The following KCMF1 variants were observed in gnomAD, a reference collection of about 807,000 sequenced individuals.
The protein encoded by KCMF1 is potassium channel modulatory factor 1.
In KCMF1, 3 loss-of-function variants were observed where a neutral mutation model predicts 41.1. The ratio of observed to expected loss-of-function variants is 0.07; its 90% CI spans 0.03 to 0.19. The LOEUF is 0.19. Among genes scored for constraint, KCMF1 ranks in the 10% least tolerant of loss-of-function variants. KCMF1 has a pLI of 1.00. For missense variants in KCMF1, 286 were observed against 488.9 expected (o/e 0.58, Z 3.91); for synonymous variants, 142 against 164.5 (o/e 0.86, Z 1.04).
Position 85,057,263 on chromosome 2 carries a change from AC to A in KCMF1, c.*3855del, listed in dbSNP as rs1675957316. On this transcript the variant is annotated 3_prime_UTR_variant, in exon 7 of 7. Coordinates refer to ENST00000409785, the MANE Select transcript of KCMF1 (RefSeq NM_020122.5). ...TTGGTGTTCATGCTGGAAAACAGTT[AC>A]GGTTATCTGTGCTCTTTCTAAAGCT... The A allele has an allele frequency of 6.6e-6, 1 of 152,128 alleles. No individual in the cohort carries two copies. The highest frequency in any genetic ancestry group is 1.5e-5 in the Non-Finnish European group (1 of 68,036). 9.4% of individuals were successfully genotyped at this position (152,128 alleles called of 1,614,324 possible).
chr2:85,044,600 C>T (rs1253831063), intron 4 of KCMF1, among the ~76,000 whole-genome samples: 1 of 151,752 alleles, frequency 6.6e-6, no homozygotes, highest in Non-Finnish European at 1.5e-5. Context: ...GGTCTCTTGG[C>T]CATGCTGGTC....
At chr2:85,021,619 CA>C (rs528912139) in intron 1 of KCMF1, among the ~76,000 whole-genome samples, 64 of 138,710 alleles carry the variant, frequency 4.6e-4, no homozygotes, top group Admixed American at 5.8e-4. Flanking sequence ...GAGACTGTCA[CA>C]AAAAAAAAAA....
intron 1 of KCMF1, among the ~76,000 whole-genome samples, chr2:85,006,506 T>G (rs913497832): frequency 2.6e-5 from 4 of 151,964 alleles, no homozygotes; most frequent in African/African-American, 9.6e-5. Flanking sequence ...TTCACCGTAT[T>G]AGGCAGGATG....
intron 1 of KCMF1, among the ~76,000 whole-genome samples, chr2:84,982,936 A>G (rs1336162107): frequency 6.6e-6 from 1 of 152,224 alleles, no homozygotes; most frequent in Non-Finnish European, 1.5e-5. Flanking sequence ...TCTCTAGGAA[A>G]ACTGGTGATA....
intron 1 of KCMF1, among the ~76,000 whole-genome samples, chr2:85,019,327 C>A (rs1029539862): frequency 6.6e-6 from 1 of 152,144 alleles, no homozygotes; most frequent in Admixed American, 6.5e-5. Flanking sequence ...GACACATATA[C>A]TTAGGAGGGC....
intron 1 of KCMF1, among the ~76,000 whole-genome samples, chr2:84,991,013 G>A (rs937831732): frequency 9.9e-5 from 15 of 152,128 alleles, no homozygotes; most frequent in African/African-American, 3.1e-4. Context: ...GGAGTGAGGC[G>A]AGAGTAGAAG....
At chr2:85,022,077 A>G (rs1238324960) in intron 1 of KCMF1, among the ~76,000 whole-genome samples, 1 of 151,782 alleles carries the variant, frequency 6.6e-6, no homozygotes, top group East Asian at 1.9e-4. Flanking sequence ...TCGGCCTCCC[A>G]AAGTGCTGGG....
chr2:85,013,272 TG>T (rs1674690670), intron 1 of KCMF1, among the ~76,000 whole-genome samples: 1 of 152,194 alleles, frequency 6.6e-6, no homozygotes, highest in Admixed American at 6.5e-5. Flanking sequence ...CAATGAGAAA[TG>T]GTCTTAAAAT....
In KCMF1 at chr2:85,053,848, A is replaced by C. The variant is rs990624524; in HGVS notation, c.*439A>C. 6.5e-6 allele frequency: 1 copy of C among 153,496 alleles called. No homozygotes were observed. Among genetic ancestry groups the C allele is most frequent in the Non-Finnish European group, 1.4e-5 (1 of 68,966 alleles). 9.5% of individuals were successfully genotyped at this position (153,496 alleles called of 1,614,324 possible). ...TTTAAGAAGTTAAATACAAGGAGTA[A>C]AACTTAAAAAAAAAATACAAAGCCC... On this transcript the variant is annotated 3_prime_UTR_variant, in exon 7 of 7. Coordinates refer to ENST00000409785, the MANE Select transcript of KCMF1 (RefSeq NM_020122.5).
rs200168841 is a variant in KCMF1, at chr2:85,035,053, G to C, written c.222G>C (p.Gln74His). Residue 74 changes from glutamine (Q) to histidine (H), a missense_variant, in exon 3 of 7, where the codon CAG (glutamine) becomes CAC (histidine). Gln to His is a conservative substitution (Grantham distance 24, BLOSUM62 0). Transcript: ENST00000409785. The stretch of plus-strand genomic sequence containing the variant: ...GTGGGGAAGCTTTCTCTGTAGAGCA[G>C]CCACAGTCTTTTACTTGTCCCTATT... The part of the protein sequence containing the change: ...YYGGEAFSVE[Q>H]PQSFTCPYCG... The C allele has an allele frequency of 6.3e-5, 101 of 1,612,942 alleles. No homozygotes were observed. The highest frequency in any genetic ancestry group is 4.5e-5 in the Non-Finnish European group (53 of 1,179,186).
At chr2:85,052,560 G>A (rs1172417539) in intron 6 of KCMF1, among the ~76,000 whole-genome samples, 2 of 152,246 alleles carry the variant, frequency 1.3e-5, no homozygotes, top group African/African-American at 2.4e-5. Flanking sequence ...AGGGGAGCAA[G>A]TCAGGCAGGT....
intron 1 of KCMF1, among the ~76,000 whole-genome samples, chr2:84,980,107 C>T (rs1411175728): frequency 6.6e-6 from 1 of 152,070 alleles, no homozygotes; most frequent in Non-Finnish European, 1.5e-5. Context: ...GCTGGGATTA[C>T]AGGCATGAGC....
At chr2:85,002,742 G>A (rs1033341795) in intron 1 of KCMF1, among the ~76,000 whole-genome samples, 1 of 151,838 alleles carries the variant, frequency 6.6e-6, no homozygotes, top group African/African-American at 2.4e-5. Context: ...TGATAGCTCT[G>A]TATGGAGCTG....
Position 85,054,720 on chromosome 2 carries a change from T to A in KCMF1, c.*1311T>A, listed in dbSNP as rs1675888237. 1 of 152,150 alleles carries A rather than the reference T, an allele frequency of 6.6e-6. No homozygotes were observed. Among genetic ancestry groups the A allele is most frequent in the African/African-American group, 2.4e-5 (1 of 41,408 alleles). The allele number at this position is 152,150 out of a possible 1,614,324, so 9.4% of individuals were successfully genotyped here. ...TTTTGGAATGTAAATTTAGGACTTT[T>A]AAAAAGGTGCGCACAGCTTCTGATA... On this transcript the variant is annotated 3_prime_UTR_variant, in exon 7 of 7. Coordinates refer to ENST00000409785, the MANE Select transcript of KCMF1 (RefSeq NM_020122.5).
In KCMF1 at chr2:85,000,043, A is replaced by G. The variant is rs1408935177; in HGVS notation, c.17-27846A>G. Among the ~76,000 whole-genome samples the G allele has an allele frequency of 2.0e-5, 3 of 152,184 alleles. No homozygotes were observed. The South Asian group carries it at 6.2e-4, about 31-fold the overall frequency. On this transcript the variant is annotated intron_variant, in intron 1 of 6. Transcript: ENST00000409785. ...AGGGGACATTAAAAAAAAAAGAAAA[A>G]TAATAGCAACCTCAAAATAAATAAG...
chr2:85,014,543 G>T (rs1354581248), intron 1 of KCMF1, among the ~76,000 whole-genome samples: 1 of 151,508 alleles, frequency 6.6e-6, no homozygotes, highest in Non-Finnish European at 1.5e-5. Context: ...TCCCTTAAAA[G>T]GGCTTTTCTT....
intron 1 of KCMF1, among the ~76,000 whole-genome samples, chr2:85,006,349 G>A (rs1674473292): frequency 7.6e-6 from 1 of 131,902 alleles, no homozygotes; most frequent in Non-Finnish European, 1.5e-5. Flanking sequence ...CACCCAGGCT[G>A]GAGTGCAGTG....
intron 1 of KCMF1, among the ~76,000 whole-genome samples, chr2:84,983,432 T>G (rs1673815568): frequency 6.6e-6 from 1 of 152,094 alleles, no homozygotes; most frequent in South Asian, 2.1e-4. Context: ...CCTCAAGAGA[T>G]TCTCATACCT....
chr2:85,037,662 C>A (rs1360264472), intron 3 of KCMF1, among the ~76,000 whole-genome samples: 1 of 152,196 alleles, frequency 6.6e-6, no homozygotes, highest in African/African-American at 2.4e-5. Context: ...TACACAGCAA[C>A]TTGCTATATA....
Sources: allele counts gnomAD v4.1 joint callset (sites outside exome capture counted in the v4.1 genomes callset), GRCh38; gene constraint gnomAD v4.1.1; transcripts MANE v1.5; gene names NCBI Gene and HGNC (gene_info 2026-07-23, HGNC 2026-07-21).